Variants in CMIP observed in about 807,000 individuals in gnomAD.
CMIP encodes the protein C-Maf-inducing protein.
A neutral mutation model predicts 97.3 loss-of-function variants in CMIP; 13 were observed. That is an observed-to-expected ratio of 0.13 (90% CI 0.09 to 0.21). The LOEUF (loss-of-function observed/expected upper bound fraction) is 0.21, where lower values mean the gene tolerates loss of function less well. CMIP is among the 10% of genes least tolerant of loss of function. The pLI is 1.00. For missense variants in CMIP, 847 were observed against 1,024.9 expected (o/e 0.83, Z 2.37); for synonymous variants, 538 against 436.3 (o/e 1.23, Z -2.91).
intron 1 of CMIP, among the ~76,000 whole-genome samples, chr16:81,575,463 C>T (rs766407329): frequency 5.3e-5 from 8 of 152,082 alleles, no homozygotes; most frequent in Admixed American, 3.3e-4. Flanking sequence ...AACATTGTCC[C>T]GAGTCGAGTC....
At chr16:81,497,315 C>G (rs1474807576) in intron 1 of CMIP, among the ~76,000 whole-genome samples, 1 of 152,210 alleles carries the variant, frequency 6.6e-6, no homozygotes, top group Non-Finnish European at 1.5e-5. Flanking sequence ...TATTGGTCCT[C>G]TCCACCAATA....
chr16:81,470,357 G>T (rs936510867), intron 1 of CMIP, among the ~76,000 whole-genome samples: 1 of 152,246 alleles, frequency 6.6e-6, no homozygotes, highest in Non-Finnish European at 1.5e-5. Flanking sequence ...GCTGGCTGTG[G>T]TGGCTGGGGT....
At chr16:81,607,849 G>C (rs1482832398) in intron 2 of CMIP, among the ~76,000 whole-genome samples, 157 bp downstream of exon 2, 1 of 152,218 alleles carries the variant, frequency 6.6e-6, no homozygotes, top group Non-Finnish European at 1.5e-5. Context: ...TGTAAACCAG[G>C]TCTGACTGGA....
chr16:81,630,501 G>T (rs891532513), intron 3 of CMIP: 1 of 152,280 alleles, frequency 6.6e-6, no homozygotes, highest in Non-Finnish European at 1.5e-5. Flanking sequence ...GGCCTATGGG[G>T]CGAGTGCTCC....
intron 12 of CMIP, 98 bp from the exon 13 acceptor site, chr16:81,693,341 C>T (rs532372361): frequency 1.3e-6 from 2 of 1,517,312 alleles, no homozygotes; most frequent in South Asian, 1.2e-5. Context: ...TGCCCAGCTC[C>T]CTGGCCCGTT....
At chr16:81,682,925 G>A (rs1411480437) in intron 10 of CMIP, among the ~76,000 whole-genome samples, 1 of 152,256 alleles carries the variant, frequency 6.6e-6, no homozygotes, top group African/African-American at 2.4e-5. Flanking sequence ...GGCGCAGGAG[G>A]GGTGAGGTGA....
intron 2 of CMIP, among the ~76,000 whole-genome samples, chr16:81,611,119 T>G (rs1033531688): frequency 6.6e-6 from 1 of 152,200 alleles, no homozygotes; most frequent in African/African-American, 2.4e-5. Context: ...ACTCATCAAA[T>G]TAATAACACA....
chr16:81,514,631 C>T (rs551624668), intron 1 of CMIP, among the ~76,000 whole-genome samples: 64 of 152,272 alleles, frequency 4.2e-4, no homozygotes, highest in South Asian at 4.1e-4. Context: ...TGCGGTCAAT[C>T]GCGGTGGCTC....
intron 1 of CMIP, among the ~76,000 whole-genome samples, chr16:81,472,126 C>T (rs1025435004): frequency 5.3e-5 from 8 of 152,198 alleles, no homozygotes; most frequent in African/African-American, 9.7e-5. Context: ...CATGTATGCA[C>T]GTGCACACAG....
chr16:81,669,100 T>C (rs2092648221), intron 7 of CMIP, among the ~76,000 whole-genome samples: 1 of 81,352 alleles, frequency 1.2e-5, no homozygotes. Flanking sequence ...ACCTCACACC[T>C]CCACACCCAC....
intron 1 of CMIP, among the ~76,000 whole-genome samples, chr16:81,455,192 T>C (rs1331582893): frequency 2.0e-5 from 3 of 151,948 alleles, no homozygotes; most frequent in Non-Finnish European, 4.4e-5. Context: ...GGCTTAGGAG[T>C]GCAGGGATCT....
At chr16:81,615,722 CTG>C (rs1225015467) in intron 2 of CMIP, among the ~76,000 whole-genome samples, 3 of 133,500 alleles carry the variant, frequency 2.2e-5, no homozygotes, top group Non-Finnish European at 3.2e-5. Context: ...GCATGTGTAA[CTG>C]GTGTGTGTGT....
intron 1 of CMIP, among the ~76,000 whole-genome samples, chr16:81,564,086 A>C (rs1259392713): frequency 6.6e-6 from 1 of 152,254 alleles, no homozygotes; most frequent in African/African-American, 2.4e-5. Flanking sequence ...ATGTGGTCTG[A>C]AAAAGCCACT....
At position 81,490,737 on chromosome 16, in the gene CMIP, A is replaced by G. The variant is rs183924923; in HGVS notation, c.300+45196A>G. Among the ~76,000 whole-genome samples, 7 of 152,274 alleles carry G rather than the reference A, an allele frequency of 4.6e-5. No homozygotes were observed. The East Asian group carries it at 1.4e-3, about 29-fold the overall frequency. On this transcript the variant is annotated intron_variant, in intron 1 of 20. Transcript: ENST00000537098. Reference sequence around the variant, plus strand: ...GTGGCCAGTCCTCTACCAGGCTAACACTTGATGTGAAACTTTAAGGAGGGT... The same window carrying G: ...GTGGCCAGTCCTCTACCAGGCTAACGCTTGATGTGAAACTTTAAGGAGGGT...
chr16:81,658,935 A>C (rs2092515184), intron 5 of CMIP, among the ~76,000 whole-genome samples: 1 of 152,244 alleles, frequency 6.6e-6, no homozygotes, highest in Non-Finnish European at 1.5e-5. Context: ...CTGTATGCAC[A>C]AAATGAGGTG....
At chr16:81,670,551 C>A (rs935944143) in intron 8 of CMIP, among the ~76,000 whole-genome samples, 1 of 148,194 alleles carries the variant, frequency 6.7e-6, no homozygotes, top group African/African-American at 2.5e-5. Context: ...TAAACATAAC[C>A]AAGAGGAAGC....
At chr16:81,689,314 C>A (rs1263360184) in intron 10 of CMIP, among the ~76,000 whole-genome samples, 1 of 152,218 alleles carries the variant, frequency 6.6e-6, no homozygotes, top group Admixed American at 6.5e-5. Flanking sequence ...TCCTCTCCAG[C>A]ACCTGTTGTT....
intron 1 of CMIP, among the ~76,000 whole-genome samples, chr16:81,455,479 C>T (rs1162672742): frequency 6.6e-6 from 1 of 152,210 alleles, no homozygotes; most frequent in Non-Finnish European, 1.5e-5. Context: ...AGGCGCAAGC[C>T]CAGATCTCTA....
chr16:81,688,355 G>C (rs751039782), intron 10 of CMIP, among the ~76,000 whole-genome samples: 3 of 152,232 alleles, frequency 2.0e-5, no homozygotes, highest in Non-Finnish European at 4.4e-5. Flanking sequence ...TCCTTACCCA[G>C]GCAGGCGTTG....
Sources: gnomAD v4.1 joint callset for allele counts (sites outside exome capture counted in the v4.1 genomes callset) on GRCh38, gnomAD v4.1.1 for gene constraint, MANE v1.5 for transcripts, NCBI Gene and HGNC (gene_info 2026-07-23, HGNC 2026-07-21) for gene names.